PCCA: variants seen among roughly 807,000 people sequenced by gnomAD.
PCCA encodes propionyl-CoA carboxylase subunit alpha.
In PCCA, 74 loss-of-function variants were observed where a neutral mutation model predicts 101.3. The observed-to-expected ratio is 0.73, with a 90% confidence interval of 0.61 to 0.89. The LOEUF (loss-of-function observed/expected upper bound fraction) is 0.89, where lower values mean the gene tolerates loss of function less well. Ranked by LOEUF, PCCA falls within the 40% of genes least tolerant of loss-of-function variation. The pLI, the probability that PCCA is intolerant of heterozygous loss-of-function variation, is 0.00. For synonymous variants in PCCA, 294 were observed against 313.6 expected, an observed-to-expected ratio of 0.94 and a Z score of 0.66; for missense variants, 891 against 907.0, an observed-to-expected ratio of 0.98 and a Z score of 0.23.
intron 7 of PCCA, among the ~76,000 whole-genome samples, chr13:100,224,999 G>T (rs1272025964): frequency 6.6e-6 from 1 of 152,176 alleles, no homozygotes; most frequent in East Asian, 1.9e-4. Flanking sequence ...GTGGTTTGGG[G>T]AGCCTCTGAA....
chr13:100,470,879 CTT>C (rs1385473919), intron 21 of PCCA, among the ~76,000 whole-genome samples: 1 of 151,866 alleles, frequency 6.6e-6, no homozygotes, highest in Non-Finnish European at 1.5e-5. Flanking sequence ...AATAAAAAAA[CTT>C]TTCATATCAG....
intron 12 of PCCA, among the ~76,000 whole-genome samples, chr13:100,296,492 T>C (rs920829871): frequency 6.6e-6 from 1 of 151,926 alleles, no homozygotes; most frequent in Admixed American, 6.6e-5. Flanking sequence ...GCTCAAGATA[T>C]CCACCTGGGT....
At chr13:100,135,559 G>A (rs975459873) in intron 4 of PCCA, among the ~76,000 whole-genome samples, 15 of 152,134 alleles carry the variant, frequency 9.9e-5, no homozygotes, top group African/African-American at 3.4e-4. Context: ...GAGTATTTTC[G>A]TAGGTTCCTT....
intron 20 of PCCA, among the ~76,000 whole-genome samples, chr13:100,448,679 A>G (rs2081010384): frequency 6.6e-6 from 1 of 152,374 alleles, no homozygotes; most frequent in East Asian, 1.9e-4. Flanking sequence ...AACAAATTTT[A>G]TTTATAAATA....
rs542882542 is a variant in PCCA, at chr13:100,273,903, C to T, written c.1065+557C>T. On this transcript the variant is annotated intron_variant, in intron 12 of 23. Coordinates refer to ENST00000376285, the MANE Select transcript of PCCA (RefSeq NM_000282.4). ...CTCAGGAAGCGACTGGCGTTGTAAC[C>T]GGTGGCTTTATTTCCTTCCTTCTTC... Among the ~76,000 whole-genome samples, 5 of 152,280 alleles carry T rather than the reference C, an allele frequency of 3.3e-5. No individual in the cohort carries two copies. In the South Asian group the frequency reaches 6.2e-4, roughly 19 times the overall value.
intron 16 of PCCA, among the ~76,000 whole-genome samples, chr13:100,323,417 C>A (rs9518050): frequency 6.6e-6 from 1 of 152,096 alleles, no homozygotes; most frequent in Non-Finnish European, 1.5e-5. Context: ...CACCTCCCGG[C>A]TTCAAGCGGG....
At chr13:100,288,239 A>G (rs2064844607) in intron 12 of PCCA, among the ~76,000 whole-genome samples, 1 of 152,056 alleles carries the variant, frequency 6.6e-6, no homozygotes, top group South Asian at 2.1e-4. Flanking sequence ...ATCTCATATT[A>G]GTTTGGTGCA....
chr13:100,264,075 T>C (rs943135975), intron 10 of PCCA, among the ~76,000 whole-genome samples: 6 of 145,690 alleles, frequency 4.1e-5, no homozygotes, highest in African/African-American at 1.3e-4. Context: ...TATCTGTATA[T>C]CGTATATATA....
intron 18 of PCCA, among the ~76,000 whole-genome samples, chr13:100,343,342 A>T (rs560648991): frequency 6.6e-5 from 10 of 152,340 alleles, no homozygotes; most frequent in African/African-American, 2.4e-4. Flanking sequence ...ACAAAATCAC[A>T]AATCTATACC....
chr13:100,118,440 G>A (rs1224130966), intron 4 of PCCA, among the ~76,000 whole-genome samples: 1 of 151,622 alleles, frequency 6.6e-6, no homozygotes, highest in African/African-American at 2.4e-5. Context: ...TTTTTTGTTT[G>A]ATTTTTATTA....
intron 6 of PCCA, among the ~76,000 whole-genome samples, chr13:100,173,926 G>A (rs533952178): frequency 9.9e-5 from 15 of 152,238 alleles, no homozygotes; most frequent in Admixed American, 7.9e-4. Context: ...CCTTTACTCC[G>A]CCTTCACTTG....
intron 1 of PCCA, among the ~76,000 whole-genome samples, chr13:100,101,368 C>T (rs895192495): frequency 1.2e-4 from 18 of 152,238 alleles, no homozygotes; most frequent in African/African-American, 4.3e-4. Context: ...GTCCTTGGGA[C>T]TCAACTTTGT....
intron 21 of PCCA, among the ~76,000 whole-genome samples, chr13:100,506,173 G>A (rs1307681280): frequency 2.6e-5 from 4 of 151,922 alleles, no homozygotes; most frequent in East Asian, 3.9e-4. Context: ...GGGCCACATC[G>A]CCCTGTCTCC....
chr13:100,201,790 G>C (rs569853296), intron 6 of PCCA, among the ~76,000 whole-genome samples: 28 of 148,058 alleles, frequency 1.9e-4, no homozygotes, highest in African/African-American at 6.7e-4. Flanking sequence ...CCGGGAGCTG[G>C]AGGTTGCAGT....
intron 21 of PCCA, among the ~76,000 whole-genome samples, chr13:100,450,130 A>G (rs1361166898): frequency 6.6e-6 from 1 of 152,224 alleles, no homozygotes; most frequent in East Asian, 1.9e-4. Flanking sequence ...CACGCCTGTA[A>G]TCCCAGCACT....
intron 7 of PCCA, among the ~76,000 whole-genome samples, chr13:100,212,659 C>A (rs1254126100): frequency 6.6e-6 from 1 of 152,252 alleles, no homozygotes; most frequent in Non-Finnish European, 1.5e-5. Context: ...GTCATTCTTG[C>A]TTCCATCCAA....
chr13:100,527,810 T>A, intron 23 of PCCA, 58 bp downstream of exon 23: 1 of 1,246,628 alleles, frequency 8.0e-7, no homozygotes, highest in Non-Finnish European at 1.2e-6. Flanking sequence ...AACGCCCACC[T>A]TTGAATCGTG....
chr13:100,104,627 A>G (rs1434737479), intron 2 of PCCA: 1 of 152,230 alleles, frequency 6.6e-6, no homozygotes, highest in East Asian at 1.9e-4. Context: ...TTTATAAATT[A>G]CCTAGTCTTG....
At chr13:100,183,950 T>C (rs74550325) in intron 6 of PCCA, among the ~76,000 whole-genome samples, 9,829 of 152,278 alleles carry the variant, frequency 0.065, 429 homozygotes, top group Non-Finnish European at 0.095. Flanking sequence ...CCACCTTTGC[T>C]GTTAGGCCGT....
Sources: allele counts gnomAD v4.1 joint callset (sites outside exome capture counted in the v4.1 genomes callset), GRCh38; gene constraint gnomAD v4.1.1; transcripts MANE v1.5; gene names NCBI Gene and HGNC (gene_info 2026-07-23, HGNC 2026-07-21).